Variants in DPYSL5 observed in about 807,000 individuals in gnomAD.
DPYSL5 encodes dihydropyrimidinase like 5.
A neutral mutation model predicts 58.4 loss-of-function variants in DPYSL5; 9 were observed. The ratio of observed to expected loss-of-function variants is 0.15; its 90% CI spans 0.09 to 0.27. The LOEUF (loss-of-function observed/expected upper bound fraction) is 0.27. Ranked by LOEUF, DPYSL5 falls within the 10% of genes least tolerant of loss-of-function variation. DPYSL5 has a pLI of 1.00. For synonymous variants in DPYSL5, 293 were observed against 301.9 expected, an observed-to-expected ratio of 0.97 and a Z score of 0.31; for missense variants, 499 against 770.6, an observed-to-expected ratio of 0.65 and a Z score of 4.17.
At chr2:26,861,291 A>G (rs1356938878) in intron 1 of DPYSL5, among the ~76,000 whole-genome samples, 4 of 152,124 alleles carry the variant, frequency 2.6e-5, no homozygotes, top group African/African-American at 9.7e-5. Flanking sequence ...AGTCTTTTTT[A>G]TTCAGAGGAA....
In DPYSL5 at chr2:26,883,633, A is replaced by C. The variant is rs1364186641; in HGVS notation, c.-4-14863A>C. Among the ~76,000 whole-genome samples the C allele has an allele frequency of 2.0e-5, 3 of 152,050 alleles. No homozygotes were observed. The East Asian group carries it at 5.8e-4, about 29-fold the overall frequency. On this transcript the variant is annotated intron_variant, in intron 1 of 12. Transcript: ENST00000288699. ...AGGCTGGTCTTGAACCCCTGACCTC[A>C]AGTGATCCACCCACTTCAGCCTCCC...
At chr2:26,885,784 A>T (rs72851812) in intron 1 of DPYSL5, among the ~76,000 whole-genome samples, 1,723 of 152,274 alleles carry the variant, frequency 0.011, 42 homozygotes, top group African/African-American at 0.039. Flanking sequence ...CAGATGGAAG[A>T]AAGGGGACCT....
chr2:26,866,485 C>T (rs1666143759), intron 1 of DPYSL5, among the ~76,000 whole-genome samples: 1 of 152,142 alleles, frequency 6.6e-6, no homozygotes, highest in African/African-American at 2.4e-5. Flanking sequence ...CACACACACA[C>T]ACACACACAC....
chr2:26,853,660 TC>T (rs1288022620), intron 1 of DPYSL5, among the ~76,000 whole-genome samples: 1 of 152,078 alleles, frequency 6.6e-6, no homozygotes, highest in Non-Finnish European at 1.5e-5. Context: ...GGCTGGCAAG[TC>T]CCATATCTGT....
In DPYSL5 at chr2:26,946,762, G is replaced by A. The variant is rs1446389229; in HGVS notation, c.1610-148G>A. 7.2e-6 allele frequency: 4 copies of A among 557,778 alleles called. No individual in the cohort carries two copies. The African/African-American group carries it at 8.8e-5, about 12-fold the overall frequency. The allele number at this position is 557,778 out of a possible 1,614,324, so 34.6% of individuals were successfully genotyped here. A position where few individuals can be genotyped will look rare whatever the true frequency, so the allele number is the denominator to read the frequency against. On this transcript the variant is annotated intron_variant, in intron 12 of 12. Transcript: ENST00000288699. ...GGGGCAAGTCACTTAACTTCCCTGA[G>A]CCTCTGTCTCCTCATCTATAAGATG...
rs1665282331 is a variant in DPYSL5, at chr2:26,940,272, C to T, written c.1089+100C>T. On this transcript the variant is annotated intron_variant, in intron 9 of 12. Transcript: ENST00000288699. ...AGAGTATTCACTCCTCAGATCCTGT[C>T]AAAGAATGTTCTTAGAAGGGCTGGT... The T allele has an allele frequency of 4.2e-6, 6 of 1,415,276 alleles. No homozygotes were observed. The Admixed American group carries it at 8.6e-5, about 20-fold the overall frequency. 87.7% of individuals were successfully genotyped at this position (1,415,276 alleles called of 1,614,324 possible). A position where few individuals can be genotyped will look rare whatever the true frequency, so the allele number is the denominator to read the frequency against.
In DPYSL5 at chr2:26,931,146, AAAAAAAATAT is replaced by A. The variant is rs1401430726; in HGVS notation, c.670-492_670-483del. ...AGAGTGAGACCCTATCTAAAAAAAA[AAAAAAAATAT>A]ATATATATATATATGTGTGTGTGTG... On this transcript the variant is annotated intron_variant, in intron 5 of 12. Coordinates refer to ENST00000288699, the MANE Select transcript of DPYSL5 (RefSeq NM_020134.4). Among the ~76,000 whole-genome samples, 127 of 60,578 alleles carry A rather than the reference AAAAAAAATAT, an allele frequency of 2.1e-3. 2 individuals carry two copies. The highest frequency in any genetic ancestry group is 7.6e-3 in the East Asian group (14 of 1,852). 39.7% of individuals were successfully genotyped at this position (60,578 alleles called of 152,430 possible).
intron 1 of DPYSL5, among the ~76,000 whole-genome samples, chr2:26,863,288 C>A (rs1666062857): frequency 6.6e-6 from 1 of 152,214 alleles, no homozygotes; most frequent in African/African-American, 2.4e-5. Flanking sequence ...CCATTGGCAT[C>A]CTCCCCCTTT....
In DPYSL5 at chr2:26,920,989, A is replaced by G. The variant is rs529880012; in HGVS notation, c.262-3898A>G. 2.6e-5 allele frequency among the ~76,000 whole-genome samples: 4 copies of G among 152,298 alleles called. No individual in the cohort carries two copies. In the South Asian group the frequency reaches 8.3e-4, roughly 32 times the overall value. On this transcript the variant is annotated intron_variant, in intron 2 of 12. Transcript: ENST00000288699. The stretch of plus-strand genomic sequence containing the variant: ...GTCATGAATTCATAAATACATAAGT[A>G]TTTTGTACACCATGTGCTTCCTTGT...
At chr2:26,940,997 C>T (rs1451141444) in intron 9 of DPYSL5, among the ~76,000 whole-genome samples, 6 of 149,392 alleles carry the variant, frequency 4.0e-5, no homozygotes, top group Admixed American at 1.3e-4. Context: ...AGTACAATGG[C>T]GCTGTCTCGG....
chr2:26,932,189 A>AAGAAAGAAAGAAAGAAAGAC (rs1665039242), intron 6 of DPYSL5, among the ~76,000 whole-genome samples: 7 of 72,064 alleles, frequency 9.7e-5, no homozygotes, highest in African/African-American at 3.0e-4. Context: ...GAAAGAAAGA[A>AAGAAAGAAAGAAAGAAAGAC]AGAAAGAAAG....
In DPYSL5 at chr2:26,933,401, A is replaced by T. The variant is rs1665087765; in HGVS notation, c.790+68A>T. On this transcript the variant is annotated intron_variant, in intron 7 of 12. Transcript: ENST00000288699. The surrounding 1 kb of genome is among the most constrained non-coding windows in gnomAD (Gnocchi z 4.2). Reference sequence around the variant, plus strand: ...GGACTGGAGATGGATGGGGCCCATTAGCCGTGCTCACTCCTGGCCCCGGCT... The same window carrying T: ...GGACTGGAGATGGATGGGGCCCATTTGCCGTGCTCACTCCTGGCCCCGGCT... 2.0e-6 allele frequency: 3 copies of T among 1,471,222 alleles called. No individual in the cohort carries two copies. The East Asian group carries it at 6.8e-5, about 33-fold the overall frequency. 91.1% of individuals were successfully genotyped at this position (1,471,222 alleles called of 1,614,324 possible).
chr2:26,856,831 A>G lies in DPYSL5; in HGVS notation c.-5+8577A>G, dbSNP rs191712109. Among the ~76,000 whole-genome samples the G allele has an allele frequency of 4.9e-3, 726 of 146,816 alleles. 8 individuals carry two copies. Among genetic ancestry groups the G allele is most frequent in the African/African-American group, 0.019 (706 of 37,134 alleles). ...TTCCAACTCTTATTCTTCAGCAAAA[A>G]GTAGAACTTTAAGCTATATCTCTGA... On this transcript the variant is annotated intron_variant, in intron 1 of 12. Coordinates refer to ENST00000288699, the MANE Select transcript of DPYSL5 (RefSeq NM_020134.4).
rs1553323443 is a variant in DPYSL5 at position 26,948,107 on chromosome 2, A to ACACACACG, written c.*1115_*1116insACACGCAC. The ACACACACG allele has an allele frequency of 6.6e-6, 1 of 150,864 alleles. No homozygotes were observed. The highest frequency in any genetic ancestry group is 1.5e-5 in the Non-Finnish European group (1 of 68,724). The allele number at this position is 150,864 out of a possible 1,614,324, so 9.3% of individuals were successfully genotyped here. On this transcript the variant is annotated 3_prime_UTR_variant, in exon 13 of 13. Coordinates refer to ENST00000288699, the MANE Select transcript of DPYSL5 (RefSeq NM_020134.4). Reference sequence around the variant, plus strand: ...CACACACACACACACACACACACACACACGCACGGCTTCCTATAACTTCTT... The same window carrying ACACACACG: ...CACACACACACACACACACACACACACACACACGCACGCACGGCTTCCTATAACTTCTT...
chr2:26,928,752 C>CGTGTGTGT (rs775375591), intron 5 of DPYSL5, among the ~76,000 whole-genome samples: 126 of 86,720 alleles, frequency 1.5e-3, no homozygotes, highest in African/African-American at 4.8e-3. Context: ...CACACACATA[C>CGTGTGTGT]GTGTGTGCGT....
intron 2 of DPYSL5, among the ~76,000 whole-genome samples, chr2:26,919,882 A>G (rs1480878229): frequency 6.6e-6 from 1 of 152,248 alleles, no homozygotes; most frequent in East Asian, 1.9e-4. Flanking sequence ...ATGCATTCAT[A>G]CATGGAGGCA....
At position 26,927,508 on chromosome 2, in the gene DPYSL5, C is replaced by T; in HGVS notation, c.600+76C>T. The T allele has an allele frequency of 6.6e-7, 1 of 1,525,620 alleles. No homozygotes were observed. The highest frequency in any genetic ancestry group is 8.9e-7 in the Non-Finnish European group (1 of 1,124,840). The allele number at this position is 1,525,620 out of a possible 1,614,324, so 94.5% of individuals were successfully genotyped here. On this transcript the variant is annotated intron_variant, in intron 4 of 12. Coordinates refer to ENST00000288699, the MANE Select transcript of DPYSL5 (RefSeq NM_020134.4). The surrounding 1 kb of genome is among the most constrained non-coding windows in gnomAD (Gnocchi z 4.3). ...TAGTTCTCAGGGGATTCCTGACCACCCGTCACTGATCCCACAGGATTCAGA... is the reference window on the plus strand; with the variant it reads ...TAGTTCTCAGGGGATTCCTGACCACTCGTCACTGATCCCACAGGATTCAGA...
chr2:26,893,420 G>A (rs1257205429), intron 1 of DPYSL5, among the ~76,000 whole-genome samples: 1 of 152,200 alleles, frequency 6.6e-6, no homozygotes, highest in African/African-American at 2.4e-5. Context: ...CTTCCCTGGT[G>A]ACAGACAAAG....
In DPYSL5 at chr2:26,898,434, G is replaced by A; in HGVS notation, c.-4-62G>A. On this transcript the variant is annotated intron_variant, in intron 1 of 12. Transcript: ENST00000288699. This position sits in a 1 kb window ranked among gnomAD's most constrained non-coding sequence, Gnocchi z 6.1. ...CATGGAATTTGGGCTTTGATAGGAG[G>A]GATGGGAAACTGGAAACAGTGAGAA... The A allele has an allele frequency of 6.3e-7, 1 of 1,577,408 alleles. No homozygotes were observed. Among genetic ancestry groups the A allele is most frequent in the South Asian group, 1.2e-5 (1 of 84,568 alleles).
Sources: gnomAD v4.1 joint callset for allele counts (sites outside exome capture counted in the v4.1 genomes callset) on GRCh38, gnomAD v4.1.1 for gene constraint, Gnocchi (gnomAD v3.1) non-coding constraint, MANE v1.5 for transcripts, NCBI Gene and HGNC (gene_info 2026-07-23, HGNC 2026-07-21) for gene names.